Variants in TENM2 observed in about 807,000 individuals in gnomAD.
The protein encoded by TENM2 is teneurin transmembrane protein 2, also known as teneurin-2.
A neutral mutation model predicts 245.2 loss-of-function variants in TENM2; 52 were observed. That is an observed-to-expected ratio of 0.21 (90% confidence interval 0.17 to 0.27). The LOEUF is 0.27. Ranked by LOEUF, TENM2 falls within the 10% of genes least tolerant of loss-of-function variation. The pLI is 1.00. For synonymous variants in TENM2, 1,363 were observed against 1,438.9 expected (o/e 0.95, Z 1.19); for missense variants, 3,046 against 3,666.8 (o/e 0.83, Z 4.37).
intron 1 of TENM2, among the ~76,000 whole-genome samples, chr5:167,364,991 G>C (rs1202376018): frequency 1.3e-5 from 2 of 151,888 alleles, no homozygotes; most frequent in African/African-American, 4.8e-5. Context: ...CTACACACGA[G>C]AATTCTCGTA....
At chr5:167,772,620 G>A (rs10070839) in intron 2 of TENM2, among the ~76,000 whole-genome samples, 41,598 of 147,116 alleles carry the variant, frequency 0.28, 6,493 homozygotes, top group East Asian at 0.59. Flanking sequence ...CCAAGTATCA[G>A]ACCCACTTTT....
At chr5:167,327,878 T>C (rs1314812705) in intron 1 of TENM2, among the ~76,000 whole-genome samples, 1 of 152,218 alleles carries the variant, frequency 6.6e-6, no homozygotes, top group Non-Finnish European at 1.5e-5. Flanking sequence ...ATCATCCTAA[T>C]TTCTGCAAAA....
At chr5:167,555,902 G>T (rs1278296422) in intron 2 of TENM2, among the ~76,000 whole-genome samples, 1 of 152,052 alleles carries the variant, frequency 6.6e-6, no homozygotes, top group African/African-American at 2.4e-5. Flanking sequence ...CGACATGATT[G>T]CAAAAAGAAG....
chr5:167,518,458 T>C (rs1770542974), intron 2 of TENM2, among the ~76,000 whole-genome samples: 1 of 152,202 alleles, frequency 6.6e-6, no homozygotes, highest in Admixed American at 6.5e-5. Flanking sequence ...TTGAATCATA[T>C]ATAATTGTCA....
chr5:167,075,167 C>G, the TENM2 span, among the ~76,000 whole-genome samples: 1 of 152,098 alleles, frequency 6.6e-6, no homozygotes, highest in East Asian at 1.9e-4. Context: ...TGTCCTCTCC[C>G]AGCAAGTAAC....
chr5:168,072,913 C>T (rs567341243), intron 7 of TENM2, among the ~76,000 whole-genome samples: 6 of 152,274 alleles, frequency 3.9e-5, no homozygotes, highest in South Asian at 2.1e-4. Flanking sequence ...ATGCAAACTG[C>T]GCTTCAGCTG....
chr5:168,162,287 G>A (rs1199097674), intron 12 of TENM2, among the ~76,000 whole-genome samples: 1 of 152,164 alleles, frequency 6.6e-6, no homozygotes, highest in East Asian at 1.9e-4. Context: ...TGAGCTATTG[G>A]CTGGAAACCA....
At chr5:167,412,613 C>T (rs1762965923) in intron 2 of TENM2, among the ~76,000 whole-genome samples, 1 of 152,112 alleles carries the variant, frequency 6.6e-6, no homozygotes, top group Non-Finnish European at 1.5e-5. Context: ...AGGCATACTT[C>T]TTCCTTGAAT....
At chr5:167,518,765 A>G (rs924107172) in intron 2 of TENM2, among the ~76,000 whole-genome samples, 2 of 152,124 alleles carry the variant, frequency 1.3e-5, no homozygotes, top group African/African-American at 4.8e-5. Context: ...TATGACTTTA[A>G]AGATCATTTT....
intron 3 of TENM2, among the ~76,000 whole-genome samples, chr5:167,897,927 G>T (rs1775358281): frequency 6.9e-6 from 1 of 144,308 alleles, no homozygotes; most frequent in African/African-American, 2.7e-5. Context: ...GCTGGGCACC[G>T]GGTACTACCT....
intron 2 of TENM2, among the ~76,000 whole-genome samples, chr5:167,872,488 G>A (rs532651035): frequency 2.7e-3 from 45 of 16,594 alleles, no homozygotes; most frequent in African/African-American, 4.4e-3. Context: ...GAAAGAAAAA[G>A]AAAGAAAGAA....
exon 28 of TENM2, chr5:168,260,342 C>T: frequency 6.2e-7 from 1 of 1,613,964 alleles, no homozygotes; most frequent in Non-Finnish European, 8.5e-7. Context: ...TCCTGGCTTC[C>T]CGAGAGCCAA....
In TENM2 at chr5:167,642,160, G is replaced by GTA. The variant is rs1030552269; in HGVS notation, c.503-233813_503-233812dup. Among the ~76,000 whole-genome samples the GTA allele has an allele frequency of 5.0e-3, 718 of 142,916 alleles. 1 individual carries two copies. Among genetic ancestry groups the GTA allele is most frequent in the East Asian group, 0.04 (200 of 5,044 alleles). The allele number at this position is 142,916 out of a possible 152,430, so 93.8% of individuals were successfully genotyped here. A position where few individuals can be genotyped will look rare whatever the true frequency, so the allele number is the denominator to read the frequency against. ...TGTCTCAAAAAAAAAAAAAAAATAT[G>GTA]TATATATATATATAAACACTCACTT... On this transcript the variant is annotated intron_variant, in intron 2 of 28. Coordinates refer to ENST00000518659, the Ensembl canonical transcript of TENM2.
chr5:167,725,963 T>C (rs905802062), intron 2 of TENM2, among the ~76,000 whole-genome samples: 7 of 151,882 alleles, frequency 4.6e-5, no homozygotes, highest in African/African-American at 1.7e-4. Context: ...CGCCCCCACA[T>C]GTCTAGTTAT....
intron 2 of TENM2, among the ~76,000 whole-genome samples, chr5:167,751,107 A>G (rs1052449912): frequency 6.6e-6 from 1 of 152,140 alleles, no homozygotes; most frequent in Non-Finnish European, 1.5e-5. Context: ...CAGGGTTGCC[A>G]GGGTGGAGAG....
chr5:167,520,404 T>C (rs1770675391), intron 2 of TENM2, among the ~76,000 whole-genome samples: 1 of 152,138 alleles, frequency 6.6e-6, no homozygotes, highest in Admixed American at 6.5e-5. Flanking sequence ...ACTAGGCCTG[T>C]AACATATTTT....
chr5:167,057,168 A>G, the TENM2 span, among the ~76,000 whole-genome samples: 3 of 152,068 alleles, frequency 2.0e-5, no homozygotes, highest in East Asian at 3.9e-4. Flanking sequence ...TTAGATCTCT[A>G]GCATTTCTTC....
chr5:167,615,442 A>T (rs1373104515), intron 2 of TENM2, among the ~76,000 whole-genome samples: 1 of 152,002 alleles, frequency 6.6e-6, no homozygotes, highest in Non-Finnish European at 1.5e-5. Context: ...TGAACCTGAG[A>T]TTGACACTCC....
the TENM2 span, among the ~76,000 whole-genome samples, chr5:167,181,448 T>C: frequency 6.1e-4 from 89 of 146,994 alleles, 1 homozygote; most frequent in South Asian, 1.5e-3. Context: ...TTTTTTTTTT[T>C]CCTAGGGAGC....
Sources: allele counts gnomAD v4.1 joint callset (sites outside exome capture counted in the v4.1 genomes callset), GRCh38; gene constraint gnomAD v4.1.1; transcripts MANE v1.5; gene names NCBI Gene and HGNC (gene_info 2026-07-23, HGNC 2026-07-21).